STXBP6: variants seen among roughly 807,000 people sequenced by gnomAD.
The protein encoded by STXBP6 is syntaxin binding protein 6, also known as syntaxin-binding protein 6.
Under a neutral mutation model 26.9 loss-of-function variants are expected in STXBP6, and 21 were observed. The ratio of observed to expected loss-of-function variants is 0.78; its 90% CI spans 0.55 to 1.12. The LOEUF (loss-of-function observed/expected upper bound fraction) is 1.12, where lower values mean the gene tolerates loss of function less well. Among genes scored for constraint, STXBP6 ranks in the 50% most tolerant of loss-of-function variants. The pLI is 0.00. For missense variants in STXBP6, 232 were observed against 257.9 expected, an observed-to-expected ratio of 0.90 and a Z score of 0.69; for synonymous variants, 97 against 92.6, an observed-to-expected ratio of 1.05 and a Z score of -0.27.
chr14:25,036,761 T>G (rs111496439), intron 1 of STXBP6, among the ~76,000 whole-genome samples: 1 of 145,014 alleles, frequency 6.9e-6, no homozygotes, highest in Non-Finnish European at 1.5e-5. Flanking sequence ...GAGGCTGAGG[T>G]AGGAGAATGG....
chr14:24,976,253 T>C (rs1485164932), intron 1 of STXBP6, among the ~76,000 whole-genome samples: 1 of 152,212 alleles, frequency 6.6e-6, no homozygotes, highest in Middle Eastern at 3.2e-3. Context: ...TCACAAATGC[T>C]ACCCACACAA....
At chr14:24,943,735 A>C (rs950132999) in intron 2 of STXBP6, among the ~76,000 whole-genome samples, 3 of 152,230 alleles carry the variant, frequency 2.0e-5, no homozygotes, top group Admixed American at 6.5e-5. Flanking sequence ...TTCAGAAAGG[A>C]ATAAAAATAT....
At chr14:24,835,795 G>A (rs1452655346) in intron 4 of STXBP6, among the ~76,000 whole-genome samples, 3 of 152,112 alleles carry the variant, frequency 2.0e-5, no homozygotes, top group Admixed American at 6.5e-5. Context: ...CCATAGCTAC[G>A]CTTAATAACG....
chr14:24,867,144 G>A (rs2069753027), intron 2 of STXBP6, among the ~76,000 whole-genome samples: 1 of 152,108 alleles, frequency 6.6e-6, no homozygotes, highest in Non-Finnish European at 1.5e-5. Context: ...CCTCACGAAT[G>A]AATTTAGTGC....
chr14:24,982,380 C>T lies in STXBP6; in HGVS notation c.-32-7530G>A, dbSNP rs571754339. ...TTTGTAGGAAGAAAATGGTACCCTT[C>T]TTCTGTCCAATTGCAGCTCAATGCT... is the stretch of plus-strand genomic sequence containing the variant. On this transcript the variant is annotated intron_variant, in intron 1 of 5. Transcript: ENST00000323944. 6.6e-5 allele frequency among the ~76,000 whole-genome samples: 10 copies of T among 152,324 alleles called. No homozygotes were observed. The South Asian group carries it at 1.9e-3, about 28-fold the overall frequency.
chr14:24,967,767 G>T (rs1485549132), intron 2 of STXBP6, among the ~76,000 whole-genome samples: 1 of 152,166 alleles, frequency 6.6e-6, no homozygotes, highest in Non-Finnish European at 1.5e-5. Context: ...TCAGAAATGA[G>T]ATAGAATGAC....
At chr14:24,838,389 C>CAA (rs1349905867) in intron 4 of STXBP6, among the ~76,000 whole-genome samples, 1 of 151,606 alleles carries the variant, frequency 6.6e-6, no homozygotes, top group African/African-American at 2.4e-5. Context: ...TGTGGACATT[C>CAA]AAAAAAAATG....
chr14:24,984,093 G>A (rs1278521377), intron 1 of STXBP6, among the ~76,000 whole-genome samples: 2 of 152,082 alleles, frequency 1.3e-5, no homozygotes, highest in Admixed American at 6.6e-5. Context: ...TTAGCCGGGC[G>A]TGGTGGCATG....
In STXBP6 at chr14:24,810,863, C is replaced by CTG. The variant is rs1344421641; in HGVS notation, c.*1845_*1846insCA. ...ATCCAATTTGGAAAGATAAATACAT[C>CTG]TCTGTGTGTGTGTGTGTGTGTGTGT... is the stretch of plus-strand genomic sequence containing the variant. On this transcript the variant is annotated 3_prime_UTR_variant, in exon 6 of 6. Transcript: ENST00000323944. 3 of 24,724 alleles carry CTG rather than the reference C, an allele frequency of 1.2e-4. No homozygotes were observed. Among genetic ancestry groups the CTG allele is most frequent in the African/African-American group, 3.2e-4 (3 of 9,328 alleles). 1.5% of individuals were successfully genotyped at this position (24,724 alleles called of 1,614,324 possible). A position where few individuals can be genotyped will look rare whatever the true frequency, so the allele number is the denominator to read the frequency against.
At chr14:25,034,313 C>T (rs1321518119) in intron 1 of STXBP6, among the ~76,000 whole-genome samples, 1 of 152,204 alleles carries the variant, frequency 6.6e-6, no homozygotes, top group Non-Finnish European at 1.5e-5. Context: ...ATCATCCTTA[C>T]ATGAAGCTGA....
chr14:24,909,135 C>A (rs1206395565), intron 2 of STXBP6, among the ~76,000 whole-genome samples: 2 of 152,356 alleles, frequency 1.3e-5, no homozygotes, highest in Non-Finnish European at 2.9e-5. Context: ...TTTGACTTTA[C>A]CTTCAGCATT....
intron 2 of STXBP6, among the ~76,000 whole-genome samples, chr14:24,909,605 A>AC (rs1317510789): frequency 6.6e-6 from 1 of 151,840 alleles, no homozygotes; most frequent in African/African-American, 2.4e-5. Context: ...ACATGGTGAA[A>AC]CCCCAACTGT....
intron 1 of STXBP6, among the ~76,000 whole-genome samples, chr14:25,038,333 T>C (rs1762742835): frequency 6.6e-6 from 1 of 152,142 alleles, no homozygotes; most frequent in South Asian, 2.1e-4. Context: ...GCTGAACATA[T>C]TCACATCTTA....
intron 2 of STXBP6, 80 bp downstream of exon 2, chr14:24,974,583 ATG>A (rs1445575470): frequency 1.9e-5 from 25 of 1,297,944 alleles, no homozygotes; most frequent in Admixed American, 1.5e-4. Flanking sequence ...AAACCTGTGA[ATG>A]TAAACCTCCT....
At chr14:24,822,308 AC>A (rs1211339489) in intron 4 of STXBP6, among the ~76,000 whole-genome samples, 7 of 152,150 alleles carry the variant, frequency 4.6e-5, no homozygotes, top group African/African-American at 1.7e-4. Flanking sequence ...CACCTCCTAT[AC>A]AGCTCTCTAC....
chr14:25,046,513 A>G (rs1393296763), intron 1 of STXBP6, among the ~76,000 whole-genome samples: 1 of 151,380 alleles, frequency 6.6e-6, no homozygotes, highest in Non-Finnish European at 1.5e-5. Flanking sequence ...CAGCTGAGAT[A>G]AAGCATGACA....
chr14:24,887,160 T>G (rs768254936), intron 2 of STXBP6, among the ~76,000 whole-genome samples: 51 of 152,206 alleles, frequency 3.4e-4, no homozygotes, highest in Non-Finnish European at 2.8e-4. Flanking sequence ...ACTATTATAA[T>G]ACATATAACA....
At chr14:25,009,983 AAC>A (rs976010189) in intron 1 of STXBP6, among the ~76,000 whole-genome samples, 1 of 152,194 alleles carries the variant, frequency 6.6e-6, no homozygotes, top group African/African-American at 2.4e-5. Flanking sequence ...AACTGCTAAC[AAC>A]AGTGGCTCAC....
intron 1 of STXBP6, among the ~76,000 whole-genome samples, chr14:25,025,410 G>T (rs2075332644): frequency 6.6e-6 from 1 of 152,050 alleles, no homozygotes; most frequent in South Asian, 2.1e-4. Flanking sequence ...ACATCAAATG[G>T]AATACTGGAA....
Sources: allele counts gnomAD v4.1 joint callset (sites outside exome capture counted in the v4.1 genomes callset), GRCh38; gene constraint gnomAD v4.1.1; transcripts MANE v1.5; gene names NCBI Gene and HGNC (gene_info 2026-07-23, HGNC 2026-07-21).